PCDHGB4: variants seen among roughly 807,000 people sequenced by gnomAD.
PCDHGB4 encodes the protein protocadherin gamma-B4.
In PCDHGB4, 38 loss-of-function variants were observed where a neutral mutation model predicts 60.5. The observed-to-expected ratio is 0.63, with a 90% CI of 0.48 to 0.82. The LOEUF (loss-of-function observed/expected upper bound fraction) is 0.82. Ranked by LOEUF, PCDHGB4 falls within the 40% of genes least tolerant of loss-of-function variation. PCDHGB4 has a pLI of 0.00. For missense variants in PCDHGB4, 1,109 were observed against 1,209.6 expected, an observed-to-expected ratio of 0.92 and a Z score of 1.23; for synonymous variants, 456 against 509.7, an observed-to-expected ratio of 0.89 and a Z score of 1.42.
intron 1 of PCDHGB4, among the ~76,000 whole-genome samples, chr5:141,467,486 T>A (rs985186472): frequency 6.6e-6 from 1 of 152,242 alleles, no homozygotes; most frequent in Non-Finnish European, 1.5e-5. Flanking sequence ...GGTTTCCACA[T>A]TTAGATCCCT....
At chr5:141,444,329 G>A (rs536314842) in intron 1 of PCDHGB4, among the ~76,000 whole-genome samples, 17 of 151,674 alleles carry the variant, frequency 1.1e-4, no homozygotes, top group Admixed American at 1.1e-3. Flanking sequence ...GTGCCACCAC[G>A]CCCAGCTAAT....
chr5:141,443,555 C>T (rs1284929219), intron 1 of PCDHGB4, among the ~76,000 whole-genome samples: 1 of 152,130 alleles, frequency 6.6e-6, no homozygotes, highest in East Asian at 1.9e-4. Flanking sequence ...TGTTCCAATT[C>T]AAATGCTTTA....
chr5:141,390,583 AATGAG>A (rs1352765004), intron 1 of PCDHGB4: 1 of 348,204 alleles, frequency 2.9e-6, no homozygotes, highest in Non-Finnish European at 5.2e-6. Context: ...CTAAAAAGTG[AATGAG>A]ATTTTTCCTA....
intron 1 of PCDHGB4, among the ~76,000 whole-genome samples, chr5:141,483,276 TA>T (rs755290434): frequency 2.2e-4 from 33 of 152,238 alleles, no homozygotes; most frequent in Non-Finnish European, 3.8e-4. Context: ...TTAGAAATAT[TA>T]TTCTGTCAGT....
intron 2 of PCDHGB4, among the ~76,000 whole-genome samples, chr5:141,500,935 C>A (rs1159997919): frequency 1.3e-5 from 2 of 151,694 alleles, no homozygotes; most frequent in Non-Finnish European, 2.9e-5. Flanking sequence ...GTGGCGCCAT[C>A]TCGGCTCACT....
At chr5:141,500,012 A>G (rs2099795840) in intron 2 of PCDHGB4, among the ~76,000 whole-genome samples, 1 of 151,622 alleles carries the variant, frequency 6.6e-6, no homozygotes, top group Non-Finnish European at 1.5e-5. Flanking sequence ...TAAGGTCCAC[A>G]TTTTATATTT....
rs2094474207 is a variant in PCDHGB4 at position 141,403,989 on chromosome 5, A to C, written c.2397+13708A>C. On this transcript the variant is annotated intron_variant, in intron 1 of 3. Coordinates refer to ENST00000519479, the MANE Select transcript of PCDHGB4 (RefSeq NM_003736.4). ...GAAGATGTAAATGACAATAGACCTG[A>C]AGTGACCATTACATCTCTGTTTAGC... The C allele has an allele frequency of 1.2e-6, 2 of 1,613,868 alleles. No homozygotes were observed. Among genetic ancestry groups the C allele is most frequent in the Middle Eastern group, 1.6e-4 (1 of 6,062 alleles).
At chr5:141,410,752 GT>G (rs2095421794) in intron 1 of PCDHGB4, 1 of 1,130,824 alleles carries the variant, frequency 8.8e-7, no homozygotes, top group Non-Finnish European at 1.2e-6. Context: ...TTTTCTCAAT[GT>G]TTTTTCAATT....
At chr5:141,394,696 C>G (rs1006890229) in intron 1 of PCDHGB4, 1 of 1,612,928 alleles carries the variant, frequency 6.2e-7, no homozygotes, top group African/African-American at 1.3e-5. Context: ...GAGGTGCGCA[C>G]GGCGCGAGCC....
chr5:141,490,981 C>T lies in PCDHGB4; in HGVS notation c.2398-3826C>T. 19 of 1,614,096 alleles carry T rather than the reference C, an allele frequency of 1.2e-5. No homozygotes were observed. The highest frequency in any genetic ancestry group is 1.5e-5 in the Non-Finnish European group (18 of 1,180,018). Reference sequence around the variant, plus strand: ...ACACTCAGCCCCCCAGCGTCTCCCTCGCTCTGCTCCTCCTGGCTCCTTGGT... The same window carrying T: ...ACACTCAGCCCCCCAGCGTCTCCCTTGCTCTGCTCCTCCTGGCTCCTTGGT... On this transcript the variant is annotated intron_variant, in intron 1 of 3. Transcript: ENST00000519479. The surrounding 1 kb of genome is among the most constrained non-coding windows in gnomAD (Gnocchi z 5.4).
chr5:141,434,861 T>C (rs1157640770), intron 1 of PCDHGB4, among the ~76,000 whole-genome samples: 1 of 151,998 alleles, frequency 6.6e-6, no homozygotes, highest in Non-Finnish European at 1.5e-5. Context: ...TAAATTTATA[T>C]ATATGTGACA....
intron 1 of PCDHGB4, among the ~76,000 whole-genome samples, chr5:141,463,844 G>A (rs545618795): frequency 1.3e-5 from 2 of 152,258 alleles, no homozygotes; most frequent in East Asian, 3.9e-4. Context: ...AGTTGTTATA[G>A]TGGTATATCT....
intron 1 of PCDHGB4, chr5:141,427,019 CAA>C (rs1369360584): frequency 8.8e-6 from 4 of 456,798 alleles, no homozygotes; most frequent in Admixed American, 2.3e-5. Flanking sequence ...AGGATGTATA[CAA>C]AGTCAGCCTT....
intron 1 of PCDHGB4, chr5:141,417,647 C>T: frequency 2.5e-6 from 2 of 812,384 alleles, no homozygotes; most frequent in Non-Finnish European, 3.7e-6. Context: ...ATCCCTCAGC[C>T]TCTAGCCTGG....
chr5:141,413,574 T>C (rs773380895), intron 1 of PCDHGB4: 12 of 1,613,714 alleles, frequency 7.4e-6, no homozygotes, highest in Admixed American at 1.7e-5. Flanking sequence ...TCAATGACAA[T>C]GCTCCAAAAT....
intron 1 of PCDHGB4, chr5:141,410,596 T>C: frequency 1.2e-6 from 2 of 1,608,810 alleles, no homozygotes; most frequent in Non-Finnish European, 1.7e-6. Flanking sequence ...AGGATTTGAC[T>C]TCACATCCTG....
intron 1 of PCDHGB4, chr5:141,426,778 C>A (rs780981970): frequency 2.2e-6 from 1 of 456,716 alleles, no homozygotes; most frequent in South Asian, 1.5e-5. Context: ...GGGCCTCACT[C>A]TCTCCAGAGT....
rs1363891858 is a variant in PCDHGB4, at chr5:141,491,369, C to T, written c.2398-3438C>T. 8.7e-6 allele frequency: 14 copies of T among 1,614,110 alleles called. No homozygotes were observed. Among genetic ancestry groups the T allele is most frequent in the East Asian group, 2.2e-5 (1 of 44,866 alleles). On this transcript the variant is annotated intron_variant, in intron 1 of 3. Coordinates refer to ENST00000519479, the MANE Select transcript of PCDHGB4 (RefSeq NM_003736.4). The surrounding 1 kb of genome is among the most constrained non-coding windows in gnomAD (Gnocchi z 6.9). ...AGTCTCTTATCCCTAGTCACCTTCACCTTTCTGTCAGCGAAGTGCCTTCAG... is the reference window on the plus strand; with the variant it reads ...AGTCTCTTATCCCTAGTCACCTTCATCTTTCTGTCAGCGAAGTGCCTTCAG...
rs1289898516 is a variant in PCDHGB4 at position 141,487,019 on chromosome 5, C to G, written c.2398-7788C>G. ...CTATCAGCTCCTGGAGGCCCCAGAT[C>G]CCAGCCTGTTTGCAGTCTCTCGATA... On this transcript the variant is annotated intron_variant, in intron 1 of 3. Transcript: ENST00000519479. The surrounding 1 kb of genome is among the most constrained non-coding windows in gnomAD (Gnocchi z 5.0). 1 of 1,614,204 alleles carries G rather than the reference C, an allele frequency of 6.2e-7. No homozygotes were observed. The highest frequency in any genetic ancestry group is 8.5e-7 in the Non-Finnish European group (1 of 1,180,042).
Sources: gnomAD v4.1 joint callset for allele counts (sites outside exome capture counted in the v4.1 genomes callset) on GRCh38, gnomAD v4.1.1 for gene constraint, Gnocchi (gnomAD v3.1) non-coding constraint, MANE v1.5 for transcripts, NCBI Gene and HGNC (gene_info 2026-07-23, HGNC 2026-07-21) for gene names.